HAS3: variants seen among roughly 807,000 people sequenced by gnomAD.
HAS3 encodes HA synthase 3.
Under a neutral mutation model 50.3 loss-of-function variants are expected in HAS3, and 27 were observed. The observed-to-expected ratio is 0.54, with a 90% CI of 0.40 to 0.74. The LOEUF is 0.74. Ranked by LOEUF, HAS3 falls within the 30% of genes least tolerant of loss-of-function variation. The probability of loss-of-function intolerance (pLI) is 0.00; values close to 1 mark genes in which losing one functional copy is unlikely to be tolerated. For synonymous variants in HAS3, 339 were observed against 310.9 expected, an observed-to-expected ratio of 1.09 and a Z score of -0.95; for missense variants, 517 against 742.8, an observed-to-expected ratio of 0.70 and a Z score of 3.53.
At chr16:69,085,632 A>C in the HAS3 span, among the ~76,000 whole-genome samples, 2 of 150,098 alleles carry the variant, frequency 1.3e-5, no homozygotes, top group African/African-American at 4.9e-5. Context: ...TGTGTCACCC[A>C]GGCAGGAGTG....
chr16:69,114,439 T>C lies in HAS3; in HGVS notation c.835T>C (p.Cys279Arg). The C allele has an allele frequency of 1.2e-6, 2 of 1,613,788 alleles. No individual in the cohort carries two copies. Among genetic ancestry groups the C allele is most frequent in the Non-Finnish European group, 1.7e-6 (2 of 1,180,016 alleles). ...VERACQSYFG[C>R]VQCISGPLGM... ...GCGGGCCTGCCAGTCCTACTTTGGC[T>C]GTGTGCAGTGTATTAGTGGGCCCTT... Residue 279 changes from cysteine (C) to arginine (R), a missense_variant, in exon 4 of 4, where the codon TGT (cysteine) becomes CGT (arginine). Physicochemically the swap from Cys to Arg is radical, Grantham distance 180. Transcript: ENST00000569188. This position sits in a 1 kb window ranked among gnomAD's most constrained non-coding sequence, Gnocchi z 6.4.
the HAS3 span, among the ~76,000 whole-genome samples, chr16:69,096,248 C>A: frequency 1.4e-5 from 2 of 144,718 alleles, no homozygotes; most frequent in Admixed American, 1.4e-4. Flanking sequence ...ATTGTGGGGA[C>A]ATGGCTGGGC....
At position 69,107,497 on chromosome 16, in the gene HAS3, C is replaced by T; in HGVS notation, c.-1+1710C>T. On this transcript the variant is annotated intron_variant, in intron 1 of 3. Coordinates refer to ENST00000569188, the MANE Select transcript of HAS3 (RefSeq NM_001199280.2). The surrounding 1 kb of genome is among the most constrained non-coding windows in gnomAD (Gnocchi z 5.5). ...GGCACGTGGGTGTGGCCGGCGCCGC[C>T]TTTGCCAAGAGGCGAGGCTCGAGCG... 2 of 985,758 alleles carry T rather than the reference C, an allele frequency of 2.0e-6. No homozygotes were observed. The highest frequency in any genetic ancestry group is 2.4e-6 in the Non-Finnish European group (2 of 830,178). The allele number at this position is 985,758 out of a possible 1,614,324, so 61.1% of individuals were successfully genotyped here. A position where few individuals can be genotyped will look rare whatever the true frequency, so the allele number is the denominator to read the frequency against.
At chr16:69,104,667 C>T (rs937551101), upstream of HAS3, among the ~76,000 whole-genome samples, 2 of 152,112 alleles carry the variant, frequency 1.3e-5, no homozygotes, top group Non-Finnish European at 2.9e-5. Context: ...TGGTCTTGAA[C>T]TCCTGGCCTC....
Position 69,115,946 on chromosome 16 carries a change from G to A in HAS3, c.*680G>A, listed in dbSNP as rs567167375. 939 of 985,722 alleles carry A rather than the reference G, an allele frequency of 9.5e-4. 2 individuals carry two copies. Among genetic ancestry groups the A allele is most frequent in the Non-Finnish European group, 1.1e-3 (927 of 829,954 alleles). 61.1% of individuals were successfully genotyped at this position (985,722 alleles called of 1,614,324 possible). On this transcript the variant is annotated 3_prime_UTR_variant, in exon 4 of 4. Coordinates refer to ENST00000569188, the MANE Select transcript of HAS3 (RefSeq NM_001199280.2). ...ATTAAAAAGGAAAGTTTGCCAGGAG[G>A]AACAAAGAGATTGTGGTGGTGCTAA...
chr16:69,083,536 T>A, the HAS3 span: 4 of 1,612,476 alleles, frequency 2.5e-6, no homozygotes, highest in Non-Finnish European at 3.4e-6. Context: ...GCACGTAGTG[T>A]GTCTGGAGCC....
the HAS3 span, among the ~76,000 whole-genome samples, chr16:69,094,805 G>A: frequency 2.0e-5 from 3 of 152,104 alleles, no homozygotes; most frequent in African/African-American, 4.8e-5. Flanking sequence ...TGAACAAAAC[G>A]GTTGTTGAAA....
upstream of HAS3, among the ~76,000 whole-genome samples, chr16:69,104,907 GT>G (rs1224963316): frequency 1.3e-5 from 2 of 151,540 alleles, no homozygotes; most frequent in Admixed American, 1.3e-4. Flanking sequence ...TGCAGCTCAG[GT>G]GCCTATAAAT....
intron 2 of HAS3, among the ~76,000 whole-genome samples, chr16:69,110,257 C>G (rs1045242055): frequency 6.6e-6 from 1 of 152,178 alleles, no homozygotes. Flanking sequence ...CCAGACCATC[C>G]TGGCTAACAC....
chr16:69,116,073 A>G lies in HAS3; in HGVS notation c.*807A>G. On this transcript the variant is annotated 3_prime_UTR_variant, in exon 4 of 4. Coordinates refer to ENST00000569188, the MANE Select transcript of HAS3 (RefSeq NM_001199280.2). ...TGTCTGTGATCTCTGCTGGGGAGAT[A>G]AAAAGATTAAGCCCCAACATGTTCA... 1.0e-6 allele frequency: 1 copy of G among 985,586 alleles called. No individual in the cohort carries two copies. Among genetic ancestry groups the G allele is most frequent in the South Asian group, 4.7e-5 (1 of 21,284 alleles). 61.1% of individuals were successfully genotyped at this position (985,586 alleles called of 1,614,324 possible). A position where few individuals can be genotyped will look rare whatever the true frequency, so the allele number is the denominator to read the frequency against.
upstream of HAS3, among the ~76,000 whole-genome samples, chr16:69,104,259 G>GTTT (rs544314357): frequency 7.9e-6 from 1 of 127,052 alleles, no homozygotes; most frequent in Non-Finnish European, 1.7e-5. Context: ...CCTGGCTAAT[G>GTTT]TTTTTTTTTT....
chr16:69,107,664 G>C lies in HAS3; in HGVS notation c.1-1732G>C. 1.0e-6 allele frequency: 1 copy of C among 985,652 alleles called. No homozygotes were observed. Among genetic ancestry groups the C allele is most frequent in the Non-Finnish European group, 1.2e-6 (1 of 830,096 alleles). 61.1% of individuals were successfully genotyped at this position (985,652 alleles called of 1,614,324 possible). Reference sequence around the variant, plus strand: ...CCTTCCCCTACCCAGAGCGCAGGCAGGCAGGGGGGTCCCGCCGCGCCCCTT... The same window carrying C: ...CCTTCCCCTACCCAGAGCGCAGGCACGCAGGGGGGTCCCGCCGCGCCCCTT... On this transcript the variant is annotated intron_variant, in intron 1 of 3. Transcript: ENST00000569188. The surrounding 1 kb of genome is among the most constrained non-coding windows in gnomAD (Gnocchi z 5.5).
At chr16:69,094,980 C>CT in the HAS3 span, among the ~76,000 whole-genome samples, 30,451 of 124,902 alleles carry the variant, frequency 0.24, 4,617 homozygotes, top group African/African-American at 0.34. Context: ...CCATTGTTAA[C>CT]TTTTTTTTTT....
chr16:69,089,275 A>T, the HAS3 span, among the ~76,000 whole-genome samples: 2 of 152,206 alleles, frequency 1.3e-5, no homozygotes, highest in Non-Finnish European at 2.9e-5. Flanking sequence ...AAGTCGAGAG[A>T]TGAGTCATCT....
chr16:69,110,576 C>A (rs933964607), intron 2 of HAS3, among the ~76,000 whole-genome samples: 1 of 152,194 alleles, frequency 6.6e-6, no homozygotes, highest in African/African-American at 2.4e-5. Context: ...TACACCACCG[C>A]ACCCAGCTCC....
upstream of HAS3, among the ~76,000 whole-genome samples, chr16:69,104,290 CT>C (rs547219297): frequency 3.4e-4 from 45 of 134,044 alleles, no homozygotes; most frequent in Non-Finnish European, 3.7e-4. Context: ...TTTTCTTTTT[CT>C]TTTTTTTTTT....
Position 69,117,500 on chromosome 16 carries a change from T to G in HAS3, c.*2234T>G, listed in dbSNP as rs548578782. 1.0e-6 allele frequency: 1 copy of G among 974,278 alleles called. No individual in the cohort carries two copies. Among genetic ancestry groups the G allele is most frequent in the South Asian group, 4.8e-5 (1 of 21,048 alleles). 60.4% of individuals were successfully genotyped at this position (974,278 alleles called of 1,614,324 possible). On this transcript the variant is annotated 3_prime_UTR_variant, in exon 4 of 4. Coordinates refer to ENST00000569188, the MANE Select transcript of HAS3 (RefSeq NM_001199280.2). ...CTTTATACAATTGGACGCATTTTGGTTTTTCCTCATTGAGAATTCAAATCC... is the reference window on the plus strand; with the variant it reads ...CTTTATACAATTGGACGCATTTTGGGTTTTCCTCATTGAGAATTCAAATCC...
In HAS3 at chr16:69,114,197, C is replaced by T; in HGVS notation, c.739-146C>T. 1 of 1,252,410 alleles carries T rather than the reference C, an allele frequency of 8.0e-7. No individual in the cohort carries two copies. The highest frequency in any genetic ancestry group is 1.1e-6 in the Non-Finnish European group (1 of 918,462). The allele number at this position is 1,252,410 out of a possible 1,614,324, so 77.6% of individuals were successfully genotyped here. A position where few individuals can be genotyped will look rare whatever the true frequency, so the allele number is the denominator to read the frequency against. ...TTGTGTGTGGTTGGCTCCTCTGAGCCTCAGGTTTCCCAGCTCCAAAGGAAC... is the reference window on the plus strand; with the variant it reads ...TTGTGTGTGGTTGGCTCCTCTGAGCTTCAGGTTTCCCAGCTCCAAAGGAAC... On this transcript the variant is annotated intron_variant, in intron 3 of 3. Transcript: ENST00000569188. This position sits in a 1 kb window ranked among gnomAD's most constrained non-coding sequence, Gnocchi z 6.4.
At position 69,107,418 on chromosome 16, in the gene HAS3, C is replaced by T; in HGVS notation, c.-1+1631C>T. 1.0e-6 allele frequency: 1 copy of T among 985,510 alleles called. No individual in the cohort carries two copies. The highest frequency in any genetic ancestry group is 1.2e-6 in the Non-Finnish European group (1 of 829,970). 61.0% of individuals were successfully genotyped at this position (985,510 alleles called of 1,614,324 possible). On this transcript the variant is annotated intron_variant, in intron 1 of 3. Coordinates refer to ENST00000569188, the MANE Select transcript of HAS3 (RefSeq NM_001199280.2). The surrounding 1 kb of genome is among the most constrained non-coding windows in gnomAD (Gnocchi z 5.5). ...GGTACCAGGAAGAGCAGGGCCTGGT[C>T]CGACTGGGATCCCTTGGGTTTTCCG...
Sources: allele counts gnomAD v4.1 joint callset (sites outside exome capture counted in the v4.1 genomes callset), GRCh38; gene constraint gnomAD v4.1.1; non-coding constraint Gnocchi (gnomAD v3.1); transcripts MANE v1.5; gene names NCBI Gene and HGNC (gene_info 2026-07-23, HGNC 2026-07-21).